CNTN5: variants seen among roughly 807,000 people sequenced by gnomAD.
CNTN5 encodes contactin 5.
In CNTN5, 77 loss-of-function variants were observed where a neutral mutation model predicts 129.1. That is an observed-to-expected ratio of 0.60 (90% CI 0.50 to 0.72). The LOEUF (loss-of-function observed/expected upper bound fraction) is 0.72, where lower values mean the gene tolerates loss of function less well. Ranked by LOEUF, CNTN5 falls within the 30% of genes least tolerant of loss-of-function variation. The pLI, the probability that CNTN5 is intolerant of heterozygous loss-of-function variation, is 0.00. For synonymous variants in CNTN5, 509 were observed against 465.6 expected (o/e 1.09, Z -1.20); for missense variants, 1,478 against 1,328.8 (o/e 1.11, Z -1.75).
chr11:100,227,364 A>C (rs1258774172), intron 16 of CNTN5, among the ~76,000 whole-genome samples: 3 of 152,174 alleles, frequency 2.0e-5, no homozygotes, highest in African/African-American at 7.2e-5. Context: ...GTGTGTAGCC[A>C]CATGGCCTCA....
chr11:99,208,906 T>C (rs180815076), intron 1 of CNTN5, among the ~76,000 whole-genome samples: 9 of 152,264 alleles, frequency 5.9e-5, no homozygotes, highest in Non-Finnish European at 8.8e-5. Context: ...CAACTGTTTA[T>C]ATTATAGAAA....
chr11:99,837,264 T>G (rs1180647728), intron 4 of CNTN5, among the ~76,000 whole-genome samples: 2 of 152,174 alleles, frequency 1.3e-5, no homozygotes, highest in Non-Finnish European at 2.9e-5. Context: ...TTAAAATGAT[T>G]TTATTTTAAT....
intron 1 of CNTN5, among the ~76,000 whole-genome samples, chr11:99,308,020 C>T (rs1864948388): frequency 6.6e-6 from 1 of 152,198 alleles, no homozygotes; most frequent in South Asian, 2.1e-4. Flanking sequence ...ATTCCTGGCT[C>T]TAATAACATG....
intron 1 of CNTN5, among the ~76,000 whole-genome samples, chr11:99,164,025 C>CA (rs1361883050): frequency 2.6e-5 from 4 of 151,916 alleles, no homozygotes; most frequent in Non-Finnish European, 5.9e-5. Context: ...AAAATTATGT[C>CA]AAAAAAATGT....
intron 1 of CNTN5, among the ~76,000 whole-genome samples, chr11:99,122,540 A>G (rs886600166): frequency 6.6e-6 from 1 of 151,012 alleles, no homozygotes; most frequent in African/African-American, 2.4e-5. Context: ...CAGCAGCAAC[A>G]TTATTATTTT....
rs565722704 is a variant in CNTN5, at chr11:99,908,059, A to G, written c.578-7995A>G. On this transcript the variant is annotated intron_variant, in intron 6 of 24. Coordinates refer to ENST00000524871, the MANE Select transcript of CNTN5 (RefSeq NM_014361.4). ...ATCATGAAGTTTTTAGCATCTAGAG[A>G]TGTAGTCCCAGTGTGAAAAACTATC... Among the ~76,000 whole-genome samples, 7 of 152,100 alleles carry G rather than the reference A, an allele frequency of 4.6e-5. No homozygotes were observed. The East Asian group carries it at 9.7e-4, about 21-fold the overall frequency.
intron 3 of CNTN5, among the ~76,000 whole-genome samples, chr11:99,644,670 T>A (rs973491043): frequency 5.9e-5 from 9 of 152,150 alleles, no homozygotes; most frequent in Non-Finnish European, 1.2e-4. Context: ...TCAACTAAAT[T>A]TATTTTGGCA....
Position 99,816,325 on chromosome 11 carries a change from A to G in CNTN5, c.56-3219A>G, listed in dbSNP as rs572908524. 3.3e-5 allele frequency among the ~76,000 whole-genome samples: 5 copies of G among 152,234 alleles called. No individual in the cohort carries two copies. The South Asian group carries it at 1.0e-3, about 32-fold the overall frequency. ...GCAAGCTTGTCTATTCTCAGTTTCA[A>G]TAACCATCTATTTGGTTACCATTTC... is the stretch of plus-strand genomic sequence containing the variant. On this transcript the variant is annotated intron_variant, in intron 3 of 24. Transcript: ENST00000524871.
intron 1 of CNTN5, among the ~76,000 whole-genome samples, chr11:99,106,865 T>C (rs1184177049): frequency 1.3e-5 from 2 of 152,102 alleles, no homozygotes; most frequent in Non-Finnish European, 2.9e-5. Context: ...AAAGGTATTA[T>C]TAGGTGTATA....
chr11:99,946,725 C>T (rs1430621598), intron 7 of CNTN5, among the ~76,000 whole-genome samples: 1 of 151,910 alleles, frequency 6.6e-6, no homozygotes, highest in African/African-American at 2.4e-5. Flanking sequence ...AAAACAGTGG[C>T]CACTCAATTA....
At chr11:99,339,186 T>C (rs546599133) in intron 2 of CNTN5, among the ~76,000 whole-genome samples, 67 of 64,806 alleles carry the variant, frequency 1.0e-3, no homozygotes, top group Non-Finnish European at 1.7e-3. Context: ...AAATTAAAAA[T>C]GAAAACATTA....
chr11:99,936,037 T>C (rs1950309101), intron 7 of CNTN5, among the ~76,000 whole-genome samples: 1 of 152,192 alleles, frequency 6.6e-6, no homozygotes. Context: ...CCACCAGGAA[T>C]AATGAATCCT....
At chr11:99,284,657 GTGTGGT>G (rs1863855502) in intron 1 of CNTN5, among the ~76,000 whole-genome samples, 1 of 119,954 alleles carries the variant, frequency 8.3e-6, no homozygotes, top group Non-Finnish European at 1.8e-5. Context: ...GTGTGTGTGT[GTGTGGT>G]GTGTGTATGA....
At chr11:99,959,485 A>G (rs1403112175) in intron 8 of CNTN5, among the ~76,000 whole-genome samples, 1 of 152,142 alleles carries the variant, frequency 6.6e-6, no homozygotes, top group African/African-American at 2.4e-5. Flanking sequence ...TCCTGTTACA[A>G]CCAATTCCTC....
At chr11:99,675,722 T>C (rs1202585123) in intron 3 of CNTN5, among the ~76,000 whole-genome samples, 2 of 152,020 alleles carry the variant, frequency 1.3e-5, no homozygotes, top group Non-Finnish European at 2.9e-5. Context: ...TAAATCTAAA[T>C]GGAAATTCTT....
In CNTN5 at chr11:99,843,680, G is replaced by T. The variant is rs139326539; in HGVS notation, c.278-1172G>T. ...ACCTTTTTTATTATTACACATTGGAGAGAGATGCTACTGGAATCTAGTGGG... is the reference window on the plus strand; with the variant it reads ...ACCTTTTTTATTATTACACATTGGATAGAGATGCTACTGGAATCTAGTGGG... On this transcript the variant is annotated intron_variant, in intron 4 of 24. Coordinates refer to ENST00000524871, the MANE Select transcript of CNTN5 (RefSeq NM_014361.4). Among the ~76,000 whole-genome samples, 676 of 152,098 alleles carry T rather than the reference G, an allele frequency of 4.4e-3. 3 individuals carry two copies. The highest frequency in any genetic ancestry group is 0.014 in the Middle Eastern group (4 of 294).
intron 3 of CNTN5, among the ~76,000 whole-genome samples, chr11:99,572,578 C>T (rs117367699): frequency 0.039 from 5,973 of 152,110 alleles, 152 homozygotes; most frequent in South Asian, 0.086. Flanking sequence ...TTCCTTAACA[C>T]GGAAATGATC....
intron 8 of CNTN5, among the ~76,000 whole-genome samples, chr11:99,989,128 C>T (rs1325339579): frequency 6.6e-6 from 1 of 152,104 alleles, no homozygotes. Context: ...ATAGAAATCA[C>T]AATTTCTAGT....
At chr11:100,197,017 G>A (rs1948656011) in intron 15 of CNTN5, among the ~76,000 whole-genome samples, 1 of 151,946 alleles carries the variant, frequency 6.6e-6, no homozygotes, top group Admixed American at 6.6e-5. Flanking sequence ...AGCTACACCA[G>A]AGAACTATGT....
Sources: allele counts gnomAD v4.1 joint callset (sites outside exome capture counted in the v4.1 genomes callset), GRCh38; gene constraint gnomAD v4.1.1; transcripts MANE v1.5; gene names NCBI Gene and HGNC (gene_info 2026-07-23, HGNC 2026-07-21).